The following ANKRD36B variants were observed in gnomAD, a reference collection of about 807,000 sequenced individuals.
ANKRD36B encodes the protein ankyrin repeat domain-containing protein 36B.
A neutral mutation model predicts 135.7 loss-of-function variants in ANKRD36B; 37 were observed. The ratio of observed to expected loss-of-function variants is 0.27; its 90% CI spans 0.21 to 0.36. The LOEUF (loss-of-function observed/expected upper bound fraction) is 0.36. Ranked by LOEUF, ANKRD36B falls within the 10% of genes least tolerant of loss-of-function variation. The pLI, the probability that ANKRD36B is intolerant of heterozygous loss-of-function variation, is 1.00. For missense variants in ANKRD36B, 549 were observed against 1,037.1 expected, an observed-to-expected ratio of 0.53 and a Z score of 6.46; for synonymous variants, 179 against 348.1, an observed-to-expected ratio of 0.51 and a Z score of 5.41.
chr2:97,567,591 T>C (rs1278591916), intron 6 of ANKRD36B, among the ~76,000 whole-genome samples: 1 of 152,084 alleles, frequency 6.6e-6, no homozygotes, highest in Non-Finnish European at 1.5e-5. Context: ...TAATATGACA[T>C]TGGTGGTTTT....
At position 97,526,644 on chromosome 2, in the gene ANKRD36B, T is replaced by G. The variant is rs534975830; in HGVS notation, c.2266-3177A>C. On this transcript the variant is annotated intron_variant, in intron 35 of 43. Transcript: ENST00000359901. ...AAATTCAAACCAAAGGCAAAGAAGTTAAAAACTTTGAAAAAAATTTAGATG... is the reference window on the plus strand; with the variant it reads ...AAATTCAAACCAAAGGCAAAGAAGTGAAAAACTTTGAAAAAAATTTAGATG... Among the ~76,000 whole-genome samples, 16 of 96,802 alleles carry G rather than the reference T, an allele frequency of 1.7e-4. 4 individuals are homozygous for G. The highest frequency in any genetic ancestry group is 3.4e-4 in the African/African-American group (11 of 32,260). 63.5% of individuals were successfully genotyped at this position (96,802 alleles called of 152,430 possible).
chr2:97,577,571 A>AT (rs1447338353), intron 5 of ANKRD36B, among the ~76,000 whole-genome samples: 1 of 144,574 alleles, frequency 6.9e-6, no homozygotes, highest in Non-Finnish European at 1.5e-5. Context: ...CACCATGCTA[A>AT]TTTTCTCCGT....
chr2:97,550,964 T>G (rs2079997780), intron 18 of ANKRD36B, among the ~76,000 whole-genome samples: 1 of 151,954 alleles, frequency 6.6e-6, no homozygotes, highest in South Asian at 2.1e-4. Flanking sequence ...AAATCTGTAC[T>G]TCCTCTCTTT....
At position 97,545,450 on chromosome 2, in the gene ANKRD36B, C is replaced by G. The variant is rs1258284204; in HGVS notation, c.1681+216G>C. On this transcript the variant is annotated intron_variant, in intron 24 of 43. Coordinates refer to ENST00000359901, the MANE Select transcript of ANKRD36B (RefSeq NM_001393939.1). ...AATTGCTGTCAGATGGTTCTTTTTC[C>G]CAATTTCAAAGTACAGACATCTAAA... is the stretch of plus-strand genomic sequence containing the variant. Among the ~76,000 whole-genome samples, 2 of 95,156 alleles carry G rather than the reference C, an allele frequency of 2.1e-5. 1 individual carries two copies. The highest frequency in any genetic ancestry group is 4.7e-4 in the East Asian group (2 of 4,280). 62.4% of individuals were successfully genotyped at this position (95,156 alleles called of 152,430 possible). A position where few individuals can be genotyped will look rare whatever the true frequency, so the allele number is the denominator to read the frequency against.
rs532707890 is a variant in ANKRD36B at position 97,531,353 on chromosome 2, C to T, written c.2265+958G>A. On this transcript the variant is annotated intron_variant, in intron 35 of 43. Transcript: ENST00000359901. ...CTCTCACTCATAGGTGGGAATTGAACAACGAGAACACGTGGACACAGGAAG... is the reference window on the plus strand; with the variant it reads ...CTCTCACTCATAGGTGGGAATTGAATAACGAGAACACGTGGACACAGGAAG... Among the ~76,000 whole-genome samples the T allele has an allele frequency of 1.9e-3, 125 of 65,298 alleles. 24 individuals are homozygous for T. Among genetic ancestry groups the T allele is most frequent in the African/African-American group, 5.6e-3 (119 of 21,350 alleles). 42.8% of individuals were successfully genotyped at this position (65,298 alleles called of 152,430 possible).
intron 6 of ANKRD36B, among the ~76,000 whole-genome samples, chr2:97,563,963 T>C (rs2081243177): frequency 6.7e-6 from 1 of 149,076 alleles, no homozygotes. Flanking sequence ...ATAAATCAAA[T>C]ACCTCACTGG....
At chr2:97,571,177 T>C (rs2081831594) in intron 6 of ANKRD36B, among the ~76,000 whole-genome samples, 1 of 152,204 alleles carries the variant, frequency 6.6e-6, no homozygotes, top group African/African-American at 2.4e-5. Flanking sequence ...CAAGGTTTCT[T>C]TTATAATAAT....
intron 3 of ANKRD36B, 132 bp from the exon 4 acceptor site, chr2:97,580,700 C>T (rs2082578459): frequency 4.1e-6 from 3 of 723,006 alleles, no homozygotes; most frequent in Non-Finnish European, 4.1e-6. Context: ...CCTTTCTTTT[C>T]CCTCCTCGGT....
chr2:97,526,219 G>T lies in ANKRD36B; in HGVS notation c.2266-2752C>A, dbSNP rs2078199007. ...TCTGAGACAAAACTCCCAGAGGAAA[G>T]ATCACACAGCAGCATTCGCTGTTCA... is the stretch of plus-strand genomic sequence containing the variant. On this transcript the variant is annotated intron_variant, in intron 35 of 43. Transcript: ENST00000359901. Among the ~76,000 whole-genome samples, 8 of 97,096 alleles carry T rather than the reference G, an allele frequency of 8.2e-5. 3 individuals carry two copies. The highest frequency in any genetic ancestry group is 6.4e-4 in the Admixed American group (7 of 10,992). The allele number at this position is 97,096 out of a possible 152,430, so 63.7% of individuals were successfully genotyped here.
chr2:97,512,791 CAAGAAAATT>C (rs1264456314), intron 38 of ANKRD36B, among the ~76,000 whole-genome samples: 1 of 73,082 alleles, frequency 1.4e-5, no homozygotes, highest in Non-Finnish European at 2.3e-5. Flanking sequence ...CACCAAAAGT[CAAGAAAATT>C]AGATCTATAA....
intron 6 of ANKRD36B, among the ~76,000 whole-genome samples, chr2:97,575,458 C>T (rs1001348734): frequency 2.0e-5 from 3 of 151,858 alleles, no homozygotes; most frequent in African/African-American, 7.3e-5. Flanking sequence ...AAGGCCAGTA[C>T]ACAACCTGGA....
chr2:97,589,714 T>A lies in ANKRD36B; in HGVS notation c.-29A>T. 1 of 1,613,780 alleles carries A rather than the reference T, an allele frequency of 6.2e-7. No homozygotes were observed. Among genetic ancestry groups the A allele is most frequent in the South Asian group, 1.1e-5 (1 of 91,060 alleles). On this transcript the variant is annotated 5_prime_UTR_variant, in exon 1 of 44. Coordinates refer to ENST00000359901, the MANE Select transcript of ANKRD36B (RefSeq NM_001393939.1). ...GGTGGGCCACCTCTCCCGCTCGTCGTCTTCCTTAATCGTCGGCTGCAAATT... is the reference window on the plus strand; with the variant it reads ...GGTGGGCCACCTCTCCCGCTCGTCGACTTCCTTAATCGTCGGCTGCAAATT...
Position 97,524,886 on chromosome 2 carries a change from A to C in ANKRD36B, c.2266-1419T>G. On this transcript the variant is annotated intron_variant, in intron 35 of 43. Coordinates refer to ENST00000359901, the MANE Select transcript of ANKRD36B (RefSeq NM_001393939.1). ...ATAAAGAGGTCCTTTCTATCACAAC[A>C]CTTTTTCACTACTAGTTGTTGAGAC... 3.1e-5 allele frequency: 3 copies of C among 97,200 alleles called. 1 individual carries two copies. Among genetic ancestry groups the C allele is most frequent in the Non-Finnish European group, 8.2e-5 (3 of 36,530 alleles). The allele number at this position is 97,200 out of a possible 1,614,324, so 6.0% of individuals were successfully genotyped here. A position where few individuals can be genotyped will look rare whatever the true frequency, so the allele number is the denominator to read the frequency against.
In ANKRD36B at chr2:97,545,610, G is replaced by A. The variant is rs1224889927; in HGVS notation, c.1681+56C>T. On this transcript the variant is annotated intron_variant, in intron 24 of 43. Transcript: ENST00000359901. Reference sequence around the variant, plus strand: ...ACCCCCCGCTGCTTTATTTGGTGAAGAGAAGATCTCTTCTATCTTGAACGA... The same window carrying A: ...ACCCCCCGCTGCTTTATTTGGTGAAAAGAAGATCTCTTCTATCTTGAACGA... 8 of 848,316 alleles carry A rather than the reference G, an allele frequency of 9.4e-6. 3 individuals are homozygous for A. In the East Asian group the frequency reaches 2.2e-4, roughly 23 times the overall value. The allele number at this position is 848,316 out of a possible 1,614,324, so 52.5% of individuals were successfully genotyped here. A position where few individuals can be genotyped will look rare whatever the true frequency, so the allele number is the denominator to read the frequency against.
rs2077900001 is a variant in ANKRD36B, at chr2:97,519,696, TA to T, written c.2407+3629del. Among the ~76,000 whole-genome samples, 5 of 82,202 alleles carry T rather than the reference TA, an allele frequency of 6.1e-5. 2 individuals carry two copies. The highest frequency in any genetic ancestry group is 1.6e-4 in the Non-Finnish European group (5 of 30,472). The allele number at this position is 82,202 out of a possible 152,430, so 53.9% of individuals were successfully genotyped here. ...ACTATGGATAAAGTAAAAGGGTGCCTAAGGGTAAGAGACAGCAGGAAAAGAT... is the reference window on the plus strand; with the variant it reads ...ACTATGGATAAAGTAAAAGGGTGCCTAGGGTAAGAGACAGCAGGAAAAGAT... On this transcript the variant is annotated intron_variant, in intron 36 of 43. Transcript: ENST00000359901.
At chr2:97,524,130 G>T (rs1320133212) in intron 35 of ANKRD36B, 1 of 91,268 alleles carries the variant, frequency 1.1e-5, no homozygotes, top group East Asian at 2.4e-4. Flanking sequence ...AACACATTCT[G>T]TATTGGTTTT....
In ANKRD36B at chr2:97,534,667, G is replaced by A. The variant is rs1224398140; in HGVS notation, c.2191+1633C>T. Among the ~76,000 whole-genome samples, 8 of 96,732 alleles carry A rather than the reference G, an allele frequency of 8.3e-5. 2 individuals carry two copies. Among genetic ancestry groups the A allele is most frequent in the African/African-American group, 2.5e-4 (8 of 32,150 alleles). 63.5% of individuals were successfully genotyped at this position (96,732 alleles called of 152,430 possible). On this transcript the variant is annotated intron_variant, in intron 34 of 43. Transcript: ENST00000359901. ...CAGTTAAAATGGCTTTTATCCAAAT[G>A]GCAGGCATTAAGAAATGCTGGTGAG...
intron 32 of ANKRD36B, among the ~76,000 whole-genome samples, chr2:97,537,284 T>G (rs1193052224): frequency 1.0e-5 from 1 of 96,994 alleles, no homozygotes; most frequent in Admixed American, 9.2e-5. Context: ...TCATTGAAAA[T>G]AATCACTTTA....
chr2:97,589,727 T>C lies in ANKRD36B; in HGVS notation c.-42A>G, dbSNP rs778419576. On this transcript the variant is annotated 5_prime_UTR_variant, in exon 1 of 44. Coordinates refer to ENST00000359901, the MANE Select transcript of ANKRD36B (RefSeq NM_001393939.1). ...TCCCGCTCGTCGTCTTCCTTAATCG[T>C]CGGCTGCAAATTGTAGCCTGCAGCC... is the stretch of plus-strand genomic sequence containing the variant. The C allele has an allele frequency of 1.4e-5, 23 of 1,613,002 alleles. No homozygotes were observed. Among genetic ancestry groups the C allele is most frequent in the Middle Eastern group, 1.6e-4 (1 of 6,062 alleles).
Sources: gnomAD v4.1 joint callset for allele counts (sites outside exome capture counted in the v4.1 genomes callset) on GRCh38, gnomAD v4.1.1 for gene constraint, MANE v1.5 for transcripts, NCBI Gene and HGNC (gene_info 2026-07-23, HGNC 2026-07-21) for gene names.